The following CDH17 variants were observed in gnomAD, a reference collection of about 807,000 sequenced individuals.
CDH17 encodes cadherin-17.
In CDH17, 67 loss-of-function variants were observed where a neutral mutation model predicts 86.3. The observed-to-expected ratio is 0.78, with a 90% CI of 0.64 to 0.95. The LOEUF (loss-of-function observed/expected upper bound fraction) is 0.95, where lower values mean the gene tolerates loss of function less well. Among genes scored for constraint, CDH17 ranks in the 40% least tolerant of loss-of-function variants. CDH17 has a pLI of 0.00. For synonymous variants in CDH17, 367 were observed against 366.4 expected (o/e 1.00, Z -0.02); for missense variants, 993 against 1,017.6 (o/e 0.98, Z 0.33).
chr8:94,169,140 A>T (rs932868380), intron 9 of CDH17, among the ~76,000 whole-genome samples: 1 of 152,200 alleles, frequency 6.6e-6, no homozygotes, highest in Admixed American at 6.5e-5. Flanking sequence ...GTCCGGGTCA[A>T]GAAAGTTGTC....
intron 17 of CDH17, among the ~76,000 whole-genome samples, chr8:94,129,410 C>T (rs1812366876): frequency 6.6e-6 from 1 of 152,026 alleles, no homozygotes; most frequent in African/African-American, 2.4e-5. Flanking sequence ...CATGAAGGCC[C>T]TCCCATGCCA....
Position 94,194,707 on chromosome 8 carries a change from T to A in CDH17, c.-20-2A>T. 6.4e-7 allele frequency: 1 copy of A among 1,552,218 alleles called. No homozygotes were observed. The highest frequency in any genetic ancestry group is 1.1e-5 in the South Asian group (1 of 87,434). On this transcript the variant is annotated splice_acceptor_variant, in intron 1 of 17. Coordinates refer to ENST00000027335, the MANE Select transcript of CDH17 (RefSeq NM_004063.4). LOFTEE classifies it low-confidence loss of function (5UTR_SPLICE). Reference sequence around the variant, plus strand: ...TCATAGTTTTCTTTATTCAAATTCCTGTGAAGGAACCAGATAAAAAAATGG... The same window carrying A: ...TCATAGTTTTCTTTATTCAAATTCCAGTGAAGGAACCAGATAAAAAAATGG...
intron 14 of CDH17, 117 bp downstream of exon 14, chr8:94,148,627 T>G: frequency 1.4e-6 from 1 of 697,166 alleles, no homozygotes; most frequent in Non-Finnish European, 2.2e-6. Flanking sequence ...ACTTTAAGGT[T>G]GTGATATTCT....
chr8:94,135,943 G>A (rs1331402073), intron 15 of CDH17, among the ~76,000 whole-genome samples: 2 of 152,166 alleles, frequency 1.3e-5, no homozygotes, highest in South Asian at 4.1e-4. Context: ...GAAATTCTGG[G>A]TTGTAAATTC....
intron 15 of CDH17, among the ~76,000 whole-genome samples, chr8:94,145,015 G>A (rs930251640): frequency 3.3e-5 from 5 of 152,180 alleles, no homozygotes; most frequent in Admixed American, 3.3e-4. Context: ...GCAAGTGCTG[G>A]GAGAATGCTG....
intron 1 of CDH17, among the ~76,000 whole-genome samples, chr8:94,206,423 T>C (rs564754387): frequency 7.9e-5 from 12 of 152,328 alleles, no homozygotes; most frequent in Middle Eastern, 3.4e-3. Flanking sequence ...CAATTTTATG[T>C]CAAATCTATA....
At chr8:94,130,046 G>T (rs1812380110) in intron 17 of CDH17, among the ~76,000 whole-genome samples, 1 of 152,146 alleles carries the variant, frequency 6.6e-6, no homozygotes, top group African/African-American at 2.4e-5. Context: ...TTGCAAAAAA[G>T]AAAAAGACAG....
chr8:94,169,182 A>G (rs1192838709), intron 9 of CDH17, among the ~76,000 whole-genome samples: 2 of 152,148 alleles, frequency 1.3e-5, no homozygotes, highest in Non-Finnish European at 2.9e-5. Context: ...AGTGTCACAG[A>G]CCATCCCAGA....
chr8:94,168,760 C>T (rs778496833), intron 9 of CDH17, among the ~76,000 whole-genome samples: 3 of 152,132 alleles, frequency 2.0e-5, no homozygotes, highest in Admixed American at 6.5e-5. Flanking sequence ...GTAGGCGCCT[C>T]GAAAAGAGCT....
chr8:94,216,921 T>G (rs1814203534), intron 1 of CDH17, among the ~76,000 whole-genome samples: 2 of 152,216 alleles, frequency 1.3e-5, no homozygotes, highest in African/African-American at 2.4e-5. Context: ...AAGTTTCCCT[T>G]GGTTCCAACG....
chr8:94,166,126 A>G (rs867240504), intron 9 of CDH17, 150 bp from the exon 10 acceptor site: 7 of 621,282 alleles, frequency 1.1e-5, no homozygotes, highest in African/African-American at 5.7e-5. Flanking sequence ...GGTTCTTCTC[A>G]TCCTATCATG....
chr8:94,205,459 A>AAAGAG (rs1191561912), intron 1 of CDH17, among the ~76,000 whole-genome samples: 19 of 152,050 alleles, frequency 1.2e-4, no homozygotes, highest in Non-Finnish European at 2.6e-4. Flanking sequence ...GAAAGAAAGA[A>AAAGAG]AAGAGAAGAG....
Position 94,152,096 on chromosome 8 carries a change from G to T in CDH17, c.1568C>A (p.Thr523Lys), listed in dbSNP as rs1209397717. The T allele has an allele frequency of 1.9e-6, 3 of 1,613,930 alleles. No homozygotes were observed. The Admixed American group carries it at 5.0e-5, about 27-fold the overall frequency. The change falls in exon 13 of 18, where the codon ACA becomes AAA. Residue 523 changes from threonine to lysine, a missense_variant. Thr to Lys is a moderately conservative substitution (Grantham distance 78). Coordinates refer to ENST00000027335, the MANE Select transcript of CDH17 (RefSeq NM_004063.4). ...GAACACAATGTTGGAAACAGCTGCT[G>T]TTTCAAAATCAAGAGGCTGTGTAGG... is the stretch of plus-strand genomic sequence containing the variant. ...VIIKKPLDFETAAVSNIVFKA... is the reference protein window; with the variant it reads ...VIIKKPLDFEKAAVSNIVFKA...
chr8:94,204,401 G>A (rs1418067427), intron 1 of CDH17, among the ~76,000 whole-genome samples: 2 of 152,104 alleles, frequency 1.3e-5, no homozygotes, highest in African/African-American at 2.4e-5. Flanking sequence ...GCAGAGTTTG[G>A]TTTTCTGTTC....
intron 9 of CDH17, among the ~76,000 whole-genome samples, chr8:94,168,898 A>T (rs148344962): frequency 6.6e-6 from 1 of 152,216 alleles, no homozygotes; most frequent in Non-Finnish European, 1.5e-5. Flanking sequence ...AGGTCATAGA[A>T]AGACTGATGC....
At chr8:94,136,026 G>C (rs192725393) in intron 15 of CDH17, among the ~76,000 whole-genome samples, 82 of 152,326 alleles carry the variant, frequency 5.4e-4, no homozygotes, top group African/African-American at 1.9e-3. Context: ...GAGATCCACT[G>C]TTAGTCTGAT....
At chr8:94,204,589 T>G (rs1165316570) in intron 1 of CDH17, among the ~76,000 whole-genome samples, 1 of 152,196 alleles carries the variant, frequency 6.6e-6, no homozygotes, top group Non-Finnish European at 1.5e-5. Flanking sequence ...CTATTGTAAA[T>G]AGTGCTGCAA....
intron 15 of CDH17, among the ~76,000 whole-genome samples, chr8:94,144,645 C>CAAATCATGAAT (rs1448152200): frequency 2.0e-5 from 3 of 151,818 alleles, no homozygotes; most frequent in African/African-American, 7.3e-5. Context: ...TCACAACATA[C>CAAATCATGAAT]AAATCATGAA....
intron 9 of CDH17, among the ~76,000 whole-genome samples, chr8:94,166,488 C>T (rs1454730290): frequency 6.6e-6 from 1 of 152,174 alleles, no homozygotes; most frequent in Non-Finnish European, 1.5e-5. Context: ...GAACTTCACC[C>T]TATGAATCTG....
Sources: gnomAD v4.1 joint callset for allele counts (sites outside exome capture counted in the v4.1 genomes callset) on GRCh38, gnomAD v4.1.1 for gene constraint, MANE v1.5 for transcripts, NCBI Gene and HGNC (gene_info 2026-07-23, HGNC 2026-07-21) for gene names.